Variants in FAM227B observed in about 807,000 individuals in gnomAD.
FAM227B encodes the protein family with sequence similarity 227 member B, also known as protein FAM227B.
A neutral mutation model predicts 73.8 loss-of-function variants in FAM227B; 88 were observed. That is an observed-to-expected ratio of 1.19 (90% confidence interval 1.00 to 1.42). The LOEUF is 1.42. Among genes scored for constraint, FAM227B ranks in the 40% most tolerant of loss-of-function variants. The pLI is 0.00. For synonymous variants in FAM227B, 210 were observed against 190.5 expected, an observed-to-expected ratio of 1.10 and a Z score of -0.84; for missense variants, 632 against 590.9, an observed-to-expected ratio of 1.07 and a Z score of -0.72.
intron 11 of FAM227B, among the ~76,000 whole-genome samples, chr15:49,504,470 A>T (rs1330154187): frequency 6.6e-6 from 1 of 152,116 alleles, no homozygotes; most frequent in Non-Finnish European, 1.5e-5. Context: ...TAACTTTGTT[A>T]CTCAAAGTGT....
At chr15:49,604,158 T>G (rs1246075822) in intron 3 of FAM227B, among the ~76,000 whole-genome samples, 1 of 152,226 alleles carries the variant, frequency 6.6e-6, no homozygotes, top group East Asian at 1.9e-4. Context: ...TTGACTATAT[T>G]CTTACGTTTA....
At chr15:49,503,628 C>T (rs1229083298) in intron 11 of FAM227B, among the ~76,000 whole-genome samples, 2 of 152,116 alleles carry the variant, frequency 1.3e-5, no homozygotes, top group Non-Finnish European at 2.9e-5. Flanking sequence ...TATGAACAGA[C>T]ACTTCGCAAA....
At chr15:49,420,215 T>C (rs2049503984) in intron 11 of FAM227B, among the ~76,000 whole-genome samples, 1 of 152,190 alleles carries the variant, frequency 6.6e-6, no homozygotes, top group South Asian at 2.1e-4. Flanking sequence ...AAATGACATA[T>C]TTTGTCTTTA....
At chr15:49,485,207 T>G (rs112843832) in intron 11 of FAM227B, 1 of 152,390 alleles carries the variant, frequency 6.6e-6, no homozygotes, top group Non-Finnish European at 1.5e-5. Flanking sequence ...GTATATAAGA[T>G]AGCAACAGTG....
chr15:49,343,634 G>C (rs2041068750), intron 13 of FAM227B: 1 of 152,142 alleles, frequency 6.6e-6, no homozygotes, highest in South Asian at 2.1e-4. Flanking sequence ...TTGTGTTCCT[G>C]AGGGCAACTC....
chr15:49,587,906 C>T, intron 5 of FAM227B, 110 bp downstream of exon 5: 1 of 1,001,680 alleles, frequency 1.0e-6, no homozygotes, highest in Non-Finnish European at 1.3e-6. Context: ...TAACAGTAGA[C>T]TAAAAGGACA....
At chr15:49,540,276 A>C (rs1443799311) in intron 10 of FAM227B, among the ~76,000 whole-genome samples, 2 of 152,326 alleles carry the variant, frequency 1.3e-5, no homozygotes, top group East Asian at 3.9e-4. Flanking sequence ...TTTGCAGAGC[A>C]GGCCACTGGA....
intron 11 of FAM227B, chr15:49,486,657 C>G (rs1407783465): frequency 6.6e-6 from 1 of 151,964 alleles, no homozygotes; most frequent in South Asian, 2.1e-4. Context: ...TGCTCTTTGT[C>G]TATGGAGTTA....
At chr15:49,439,824 T>A (rs1430090710) in intron 11 of FAM227B, among the ~76,000 whole-genome samples, 2 of 151,710 alleles carry the variant, frequency 1.3e-5, no homozygotes. Context: ...ATCACACTAA[T>A]GGTTGTATGA....
At chr15:49,601,502 A>G (rs143891058) in intron 3 of FAM227B, among the ~76,000 whole-genome samples, 2,927 of 152,186 alleles carry the variant, frequency 0.019, 39 homozygotes, top group Non-Finnish European at 0.027. Flanking sequence ...ATTTAATTTT[A>G]ATTTTTGTGG....
intron 11 of FAM227B, among the ~76,000 whole-genome samples, chr15:49,458,593 C>T (rs1174069044): frequency 6.6e-6 from 1 of 152,026 alleles, no homozygotes; most frequent in Non-Finnish European, 1.5e-5. Context: ...TTGCCAAGCT[C>T]TTGTCTTTAT....
At chr15:49,587,950 A>G (rs2076270740) in intron 5 of FAM227B, 66 bp downstream of exon 5, 1 of 1,300,266 alleles carries the variant, frequency 7.7e-7, no homozygotes, top group South Asian at 2.1e-5. Flanking sequence ...CATCTGTGGA[A>G]ATGTAGTGTT....
At chr15:49,510,742 T>C (rs1462471345) in intron 10 of FAM227B, among the ~76,000 whole-genome samples, 3 of 152,158 alleles carry the variant, frequency 2.0e-5, no homozygotes, top group Non-Finnish European at 4.4e-5. Flanking sequence ...GGTGGTTTTT[T>C]TTCTCCAATA....
intron 10 of FAM227B, among the ~76,000 whole-genome samples, chr15:49,521,159 G>A (rs1049353843): frequency 1.3e-5 from 2 of 152,144 alleles, no homozygotes; most frequent in African/African-American, 4.8e-5. Context: ...CTCATCCAGG[G>A]AATCTTAGCC....
At chr15:49,546,132 C>T (rs528786830) in intron 9 of FAM227B, among the ~76,000 whole-genome samples, 98 of 152,050 alleles carry the variant, frequency 6.4e-4, no homozygotes, top group African/African-American at 2.1e-3. Context: ...CAACAGGCCC[C>T]GGTGTGTGAT....
intron 9 of FAM227B, among the ~76,000 whole-genome samples, chr15:49,549,131 G>A (rs185257994): frequency 1.1e-3 from 170 of 152,000 alleles, no homozygotes; most frequent in Admixed American, 3.8e-3. Flanking sequence ...ATTGATGTAG[G>A]CACTTACAGC....
chr15:49,424,228 T>G, intron 11 of FAM227B: 1 of 1,379,964 alleles, frequency 7.2e-7, no homozygotes, highest in Non-Finnish European at 1.0e-6. Context: ...GTCAATGACC[T>G]AGGAGTAACA....
At chr15:49,489,807 A>ATATATATATATAT (rs2056760091) in intron 11 of FAM227B, among the ~76,000 whole-genome samples, 1 of 51,914 alleles carries the variant, frequency 1.9e-5, no homozygotes, top group South Asian at 5.5e-4. Context: ...TATATTTTAT[A>ATATATATATATAT]TATATATATA....
intron 11 of FAM227B, among the ~76,000 whole-genome samples, chr15:49,439,178 G>A (rs1404910573): frequency 1.3e-5 from 2 of 151,456 alleles, no homozygotes; most frequent in African/African-American, 4.8e-5. Context: ...GCTGTTGGCC[G>A]GCAACTTCCT....
Sources: gnomAD v4.1 joint callset for allele counts (sites outside exome capture counted in the v4.1 genomes callset) on GRCh38, gnomAD v4.1.1 for gene constraint, MANE v1.5 for transcripts, NCBI Gene and HGNC (gene_info 2026-07-23, HGNC 2026-07-21) for gene names.